The following CNTNAP5 variants were observed in gnomAD, a reference collection of about 807,000 sequenced individuals.
CNTNAP5 encodes the protein contactin associated protein family member 5, also known as contactin-associated protein-like 5.
A neutral mutation model predicts 150.2 loss-of-function variants in CNTNAP5; 72 were observed. That is an observed-to-expected ratio of 0.48 (90% CI 0.40 to 0.58). The LOEUF is 0.58. Among genes scored for constraint, CNTNAP5 ranks in the 20% least tolerant of loss-of-function variants. CNTNAP5 has a pLI of 0.00. For missense variants in CNTNAP5, 1,636 were observed against 1,626.2 expected (o/e 1.01, Z -0.10); for synonymous variants, 672 against 619.8 (o/e 1.08, Z -1.25).
intron 13 of CNTNAP5, among the ~76,000 whole-genome samples, chr2:124,740,206 G>A (rs942492755): frequency 4.0e-5 from 6 of 151,842 alleles, no homozygotes; most frequent in Non-Finnish European, 2.9e-5. Context: ...TTGCAACTTT[G>A]CATCATTCTA....
At chr2:124,333,364 T>C (rs1188589388) in intron 3 of CNTNAP5, among the ~76,000 whole-genome samples, 1 of 152,112 alleles carries the variant, frequency 6.6e-6, no homozygotes, top group East Asian at 1.9e-4. Flanking sequence ...ATGGAGCAAG[T>C]TAAAGACTGT....
At chr2:124,473,846 T>G (rs1479998296) in intron 6 of CNTNAP5, among the ~76,000 whole-genome samples, 2 of 152,158 alleles carry the variant, frequency 1.3e-5, no homozygotes, top group Middle Eastern at 3.4e-3. Context: ...ATATATCTAT[T>G]AAAAAGGCAA....
chr2:124,052,600 C>T (rs1419252276), intron 1 of CNTNAP5, among the ~76,000 whole-genome samples: 1 of 152,202 alleles, frequency 6.6e-6, no homozygotes, highest in Non-Finnish European at 1.5e-5. Flanking sequence ...CTTTTGCTTT[C>T]TTGAGGGGGT....
chr2:124,575,047 C>T (rs906124208), intron 11 of CNTNAP5, among the ~76,000 whole-genome samples: 4 of 152,046 alleles, frequency 2.6e-5, no homozygotes, highest in African/African-American at 9.7e-5. Context: ...TTATAGATTT[C>T]TTCTCATGTA....
intron 3 of CNTNAP5, among the ~76,000 whole-genome samples, chr2:124,328,250 A>T (rs865798805): frequency 6.6e-5 from 10 of 152,140 alleles, no homozygotes; most frequent in African/African-American, 1.9e-4. Context: ...ACAGGGGAAA[A>T]GATGGTTTCT....
At chr2:124,411,181 A>G (rs1412282776) in intron 3 of CNTNAP5, among the ~76,000 whole-genome samples, 1 of 152,232 alleles carries the variant, frequency 6.6e-6, no homozygotes, top group African/African-American at 2.4e-5. Flanking sequence ...CTAAACCAGG[A>G]AGAAGTTGAA....
intron 14 of CNTNAP5, among the ~76,000 whole-genome samples, chr2:124,760,107 T>A (rs1312530590): frequency 1.3e-5 from 2 of 151,930 alleles, no homozygotes; most frequent in East Asian, 3.9e-4. Flanking sequence ...CATTCCTCCT[T>A]TGCAGCCATA....
chr2:124,300,757 A>C (rs557842998), intron 3 of CNTNAP5, among the ~76,000 whole-genome samples: 5 of 152,316 alleles, frequency 3.3e-5, no homozygotes, highest in African/African-American at 1.2e-4. Context: ...AGGACTTAGA[A>C]CAGGTTTGGC....
At chr2:124,289,279 T>C (rs1688227064) in intron 3 of CNTNAP5, among the ~76,000 whole-genome samples, 1 of 152,236 alleles carries the variant, frequency 6.6e-6, no homozygotes, top group East Asian at 1.9e-4. Flanking sequence ...TGTATTGCTC[T>C]AATAAAGATT....
chr2:124,048,879 G>A (rs980511446), intron 1 of CNTNAP5, among the ~76,000 whole-genome samples: 1 of 152,174 alleles, frequency 6.6e-6, no homozygotes, highest in African/African-American at 2.4e-5. Context: ...ATATCACTAA[G>A]GCAAATATTT....
chr2:124,441,136 T>G (rs750411821), intron 5 of CNTNAP5, among the ~76,000 whole-genome samples: 2 of 152,110 alleles, frequency 1.3e-5, no homozygotes, highest in Non-Finnish European at 2.9e-5. Flanking sequence ...AAACTTGTTT[T>G]GATATAAGAT....
intron 1 of CNTNAP5, among the ~76,000 whole-genome samples, chr2:124,092,453 T>C (rs1349399807): frequency 1.3e-5 from 2 of 152,176 alleles, no homozygotes; most frequent in African/African-American, 4.8e-5. Flanking sequence ...ACACATATAG[T>C]CCATGGGCCA....
intron 1 of CNTNAP5, among the ~76,000 whole-genome samples, chr2:124,113,014 C>A (rs1226372193): frequency 6.6e-6 from 1 of 152,102 alleles, no homozygotes; most frequent in Non-Finnish European, 1.5e-5. Context: ...TGGACAATTT[C>A]AAGAGTTAGC....
At chr2:124,276,839 G>T (rs1687894650) in intron 3 of CNTNAP5, among the ~76,000 whole-genome samples, 1 of 152,150 alleles carries the variant, frequency 6.6e-6, no homozygotes, top group Non-Finnish European at 1.5e-5. Flanking sequence ...CCAGTAACAT[G>T]TAAAAGGTTG....
chr2:124,058,637 C>T (rs185891690), intron 1 of CNTNAP5, among the ~76,000 whole-genome samples: 4 of 152,178 alleles, frequency 2.6e-5, no homozygotes, highest in African/African-American at 7.2e-5. Context: ...ATTTGCCTGT[C>T]GTTGTCATCA....
intron 12 of CNTNAP5, among the ~76,000 whole-genome samples, chr2:124,621,884 G>T (rs989707163): frequency 2.0e-5 from 3 of 152,160 alleles, no homozygotes; most frequent in Non-Finnish European, 4.4e-5. Flanking sequence ...TACGTGATTT[G>T]TATCTGTAAT....
intron 3 of CNTNAP5, among the ~76,000 whole-genome samples, chr2:124,245,849 G>A (rs948929571): frequency 3.3e-5 from 5 of 151,896 alleles, no homozygotes; most frequent in Non-Finnish European, 7.4e-5. Context: ...TCCCACTTCA[G>A]CCTTCAAAGT....
intron 12 of CNTNAP5, among the ~76,000 whole-genome samples, chr2:124,643,011 C>T: frequency 6.6e-6 from 1 of 152,194 alleles, no homozygotes; most frequent in Non-Finnish European, 1.5e-5. Flanking sequence ...GGCATGATAG[C>T]TGCTCTGGAT....
chr2:124,302,148 CCA>C (rs1688580195), intron 3 of CNTNAP5, among the ~76,000 whole-genome samples: 1 of 152,202 alleles, frequency 6.6e-6, no homozygotes, highest in African/African-American at 2.4e-5. Flanking sequence ...TCTGAGATTT[CCA>C]GTCTCCAGAA....
Sources: gnomAD v4.1 joint callset for allele counts (sites outside exome capture counted in the v4.1 genomes callset) on GRCh38, gnomAD v4.1.1 for gene constraint, MANE v1.5 for transcripts, NCBI Gene and HGNC (gene_info 2026-07-23, HGNC 2026-07-21) for gene names.